The following RALGAPA2 variants were observed in gnomAD, a reference collection of about 807,000 sequenced individuals.
RALGAPA2 encodes the protein ral GTPase-activating protein subunit alpha-2.
Under a neutral mutation model 230.4 loss-of-function variants are expected in RALGAPA2, and 139 were observed. The ratio of observed to expected loss-of-function variants is 0.60; its 90% confidence interval spans 0.53 to 0.69. The LOEUF (loss-of-function observed/expected upper bound fraction) is 0.69, where lower values mean the gene tolerates loss of function less well. Ranked by LOEUF, RALGAPA2 falls within the 30% of genes least tolerant of loss-of-function variation. The pLI is 0.00. For synonymous variants in RALGAPA2, 847 were observed against 837.8 expected, an observed-to-expected ratio of 1.01 and a Z score of -0.19; for missense variants, 2,163 against 2,276.0, an observed-to-expected ratio of 0.95 and a Z score of 1.01.
In RALGAPA2 at chr20:20,458,853, G is replaced by C. The variant is rs140714529; in HGVS notation, c.5495+13976C>G. On this transcript the variant is annotated intron_variant, in intron 37 of 39. Coordinates refer to ENST00000202677, the MANE Select transcript of RALGAPA2 (RefSeq NM_020343.4). ...ATATATATAGACCTATATATATATAGACCTATATATATATATATATATACA... is the reference window on the plus strand; with the variant it reads ...ATATATATAGACCTATATATATATACACCTATATATATATATATATATACA... Among the ~76,000 whole-genome samples the C allele has an allele frequency of 8.9e-5, 9 of 101,192 alleles. No individual in the cohort carries two copies. The East Asian group carries it at 2.9e-3, about 33-fold the overall frequency. The allele number at this position is 101,192 out of a possible 152,430, so 66.4% of individuals were successfully genotyped here.
chr20:20,596,124 G>T (rs1431064235), intron 16 of RALGAPA2, among the ~76,000 whole-genome samples: 1 of 152,196 alleles, frequency 6.6e-6, no homozygotes, highest in African/African-American at 2.4e-5. Context: ...ACAGGTGGTT[G>T]TGACTCCAAA....
intron 37 of RALGAPA2, among the ~76,000 whole-genome samples, chr20:20,415,515 C>A (rs2060147161): frequency 6.6e-6 from 1 of 152,218 alleles, no homozygotes; most frequent in African/African-American, 2.4e-5. Flanking sequence ...ATTCAAATTA[C>A]TGACCAGAAA....
At chr20:20,403,438 A>G (rs2059888169) in intron 38 of RALGAPA2, among the ~76,000 whole-genome samples, 3 of 152,140 alleles carry the variant, frequency 2.0e-5, no homozygotes, top group Admixed American at 6.5e-5. Flanking sequence ...TAATATCTCA[A>G]TTTGGCCTCT....
intron 16 of RALGAPA2, among the ~76,000 whole-genome samples, chr20:20,593,662 T>A (rs1029318608): frequency 6.6e-6 from 1 of 152,242 alleles, no homozygotes; most frequent in Non-Finnish European, 1.5e-5. Flanking sequence ...TGCCATTTTT[T>A]ATGGATAGTG....
At chr20:20,617,186 C>T (rs1028280065) in intron 12 of RALGAPA2, among the ~76,000 whole-genome samples, 1 of 152,136 alleles carries the variant, frequency 6.6e-6, no homozygotes, top group Non-Finnish European at 1.5e-5. Flanking sequence ...CGGAGCTTCT[C>T]TAGCTCATTT....
chr20:20,530,511 A>C (rs929079509), intron 27 of RALGAPA2, among the ~76,000 whole-genome samples: 1 of 152,326 alleles, frequency 6.6e-6, no homozygotes, highest in Non-Finnish European at 1.5e-5. Flanking sequence ...TTGGTCAAGC[A>C]GGGGCCAGAC....
intron 17 of RALGAPA2, among the ~76,000 whole-genome samples, chr20:20,590,771 A>C (rs553207719): frequency 6.6e-6 from 1 of 152,162 alleles, no homozygotes; most frequent in African/African-American, 2.4e-5. Flanking sequence ...TCTCATTTTC[A>C]ACTTTAACGG....
chr20:20,415,157 T>C (rs1403897532), intron 37 of RALGAPA2, among the ~76,000 whole-genome samples: 1 of 152,256 alleles, frequency 6.6e-6, no homozygotes, highest in East Asian at 1.9e-4. Flanking sequence ...TCTTATCTAA[T>C]ATCCTTAGGG....
chr20:20,532,890 C>G (rs1171075643), intron 26 of RALGAPA2, among the ~76,000 whole-genome samples: 1 of 152,016 alleles, frequency 6.6e-6, no homozygotes, highest in South Asian at 2.1e-4. Flanking sequence ...GAGGAACATG[C>G]ACTATTCAGG....
At chr20:20,591,093 T>A (rs761331557) in intron 17 of RALGAPA2, 84 bp downstream of exon 17, 100 of 1,420,622 alleles carry the variant, frequency 7.0e-5, no homozygotes, top group Admixed American at 1.1e-4. Context: ...ATTCAGAATA[T>A]ATGTACAAAG....
At chr20:20,521,766 A>T (rs186136534) in intron 30 of RALGAPA2, among the ~76,000 whole-genome samples, 14 of 152,338 alleles carry the variant, frequency 9.2e-5, no homozygotes, top group Admixed American at 2.0e-4. Context: ...TCATAAATTC[A>T]AGATCATCAA....
intron 37 of RALGAPA2, among the ~76,000 whole-genome samples, chr20:20,430,710 C>T (rs1423071653): frequency 6.6e-6 from 1 of 152,166 alleles, no homozygotes; most frequent in African/African-American, 2.4e-5. Flanking sequence ...TTTCGGAGTT[C>T]CCTGTGTCTG....
intron 37 of RALGAPA2, among the ~76,000 whole-genome samples, chr20:20,467,584 T>C (rs1016316341): frequency 1.3e-5 from 2 of 152,164 alleles, no homozygotes; most frequent in Admixed American, 6.5e-5. Context: ...GATTGATTGA[T>C]TGATTGATTG....
chr20:20,589,475 T>C, intron 17 of RALGAPA2, 110 bp from the exon 18 acceptor site: 2 of 1,214,366 alleles, frequency 1.6e-6, no homozygotes, highest in Non-Finnish European at 2.3e-6. Context: ...TATTCTAAGG[T>C]ATGTAAAAAC....
At position 20,389,926 on chromosome 20, in the gene RALGAPA2, T is replaced by C. The variant is rs1479857542; in HGVS notation, c.*3363A>G. The C allele has an allele frequency of 1.3e-5, 2 of 152,232 alleles. No individual in the cohort carries two copies. Among genetic ancestry groups the C allele is most frequent in the Non-Finnish European group, 2.9e-5 (2 of 68,042 alleles). The allele number at this position is 152,232 out of a possible 1,614,324, so 9.4% of individuals were successfully genotyped here. On this transcript the variant is annotated 3_prime_UTR_variant, in exon 40 of 40. Coordinates refer to ENST00000202677, the MANE Select transcript of RALGAPA2 (RefSeq NM_020343.4). ...AAATTTTTTCCTTATTTACATGTAC[T>C]AAACATTGTAGACCTGAAAACATAA...
Position 20,680,686 on chromosome 20 carries a change from C to G in RALGAPA2, c.217+5G>C. The G allele has an allele frequency of 6.5e-7, 1 of 1,536,626 alleles. No homozygotes were observed. Among genetic ancestry groups the G allele is most frequent in the Non-Finnish European group, 8.7e-7 (1 of 1,148,288 alleles). ...TTTTTAAAAAAAAACTACTGAAATG[C>G]TTACCTTTTAATTTCAAACTATTTT... is the stretch of plus-strand genomic sequence containing the variant. On this transcript the variant is annotated splice_donor_5th_base_variant and intron_variant, in intron 2 of 39. Transcript: ENST00000202677.
At chr20:20,704,666 G>T (rs531688498) in intron 1 of RALGAPA2, among the ~76,000 whole-genome samples, 1 of 152,340 alleles carries the variant, frequency 6.6e-6, no homozygotes, top group African/African-American at 2.4e-5. Flanking sequence ...CAATCCAAAG[G>T]AAGGGAGCTC....
chr20:20,694,472 C>T (rs2069032561), intron 1 of RALGAPA2, among the ~76,000 whole-genome samples: 1 of 152,270 alleles, frequency 6.6e-6, no homozygotes, highest in Admixed American at 6.5e-5. Context: ...GAGCAGCCTC[C>T]AATATTGTCA....
rs747281119 is a variant in RALGAPA2 at position 20,531,747 on chromosome 20, T to G, written c.3522A>C (p.Ala1174=). ...SLGVWICEEL[A]QCTSHPQVKE... ...TCACCTGAGGGTGGCTTGTACACTGTGCAAGCTCTTCACATATCCAGACCC... is the reference window on the plus strand; with the variant it reads ...TCACCTGAGGGTGGCTTGTACACTGGGCAAGCTCTTCACATATCCAGACCC... The change falls in exon 27 of 40, where the codon GCA becomes GCC. Residue 1174 remains alanine (A), a synonymous_variant. Transcript: ENST00000202677. 6 of 1,608,712 alleles carry G rather than the reference T, an allele frequency of 3.7e-6. No homozygotes were observed. The South Asian group carries it at 5.6e-5, about 15-fold the overall frequency.
Sources: allele counts gnomAD v4.1 joint callset (sites outside exome capture counted in the v4.1 genomes callset), GRCh38; gene constraint gnomAD v4.1.1; transcripts MANE v1.5; gene names NCBI Gene and HGNC (gene_info 2026-07-23, HGNC 2026-07-21).